Variants in RAPSN observed in about 807,000 individuals in gnomAD.
The protein encoded by RAPSN is receptor associated protein of the synapse, also known as 43 kDa receptor-associated protein of the synapse.
RAPSN carries 33 observed loss-of-function variants against 45.7 expected under a neutral mutation model. That is an observed-to-expected ratio of 0.72 (90% confidence interval 0.55 to 0.97). The LOEUF (loss-of-function observed/expected upper bound fraction) is 0.97. Among genes scored for constraint, RAPSN ranks in the 50% least tolerant of loss-of-function variants. RAPSN has a pLI of 0.00. For missense variants in RAPSN, 519 were observed against 559.4 expected (o/e 0.93, Z 0.73); for synonymous variants, 244 against 233.6 (o/e 1.04, Z -0.40).
rs779881502 is a variant in RAPSN, at chr11:47,442,778, C to A, written c.568G>T (p.Ala190Ser). 15 of 1,614,260 alleles carry A rather than the reference C, an allele frequency of 9.3e-6. No individual in the cohort carries two copies. The highest frequency in any genetic ancestry group is 1.6e-4 in the Middle Eastern group (1 of 6,062). Reference sequence around the variant, plus strand: ...TTGCCATAGTTGTTGACAAGCTCTGCCGCCTTGCAGGGGAAGAACAGGGCT... The same window carrying A: ...TTGCCATAGTTGTTGACAAGCTCTGACGCCTTGCAGGGGAAGAACAGGGCT... Reference protein sequence around the residue: ...EKALFFPCKAAELVNNYGKGW... With the variant: ...EKALFFPCKASELVNNYGKGW... Residue 190 changes from alanine to serine, a missense_variant, in exon 3 of 8, where the codon GCA becomes TCA. Physicochemically the swap from Ala to Ser is moderately conservative, Grantham distance 99. Transcript: ENST00000298854.
intron 2 of RAPSN, 104 bp from the exon 3 acceptor site, chr11:47,442,918 GCC>G: frequency 1.3e-5 from 20 of 1,565,316 alleles, no homozygotes; most frequent in Non-Finnish European, 1.6e-5. Flanking sequence ...GGGGCAGGGG[GCC>G]CGAGTGTCTG....
At chr11:47,447,680 T>C in intron 2 of RAPSN, 132 bp downstream of exon 2, 1 of 1,097,572 alleles carries the variant, frequency 9.1e-7, no homozygotes, top group East Asian at 2.6e-5. Flanking sequence ...TAAGCCTTTT[T>C]GCTCTCTGAT....
Position 47,438,465 on chromosome 11 carries a change from G to C in RAPSN, c.1166+267C>G, listed in dbSNP as rs950147181. On this transcript the variant is annotated intron_variant, in intron 7 of 7. Transcript: ENST00000298854. ...AGCCTCCCGAGTAGTTGGGATTACA[G>C]GCTCCCACCACCATGCCTGGGTAAT... 17 of 574,478 alleles carry C rather than the reference G, an allele frequency of 3.0e-5. No individual in the cohort carries two copies. The African/African-American group carries it at 3.0e-4, about 10-fold the overall frequency. The allele number at this position is 574,478 out of a possible 1,614,324, so 35.6% of individuals were successfully genotyped here.
intron 7 of RAPSN, 142 bp from the exon 8 acceptor site, chr11:47,438,189 C>T: frequency 9.8e-7 from 1 of 1,015,552 alleles, no homozygotes; most frequent in South Asian, 1.4e-5. Context: ...AGGGAACGGT[C>T]CCCCCAGGCT....
intron 3 of RAPSN, among the ~76,000 whole-genome samples, chr11:47,442,204 C>A (rs1694726160): frequency 6.6e-6 from 1 of 152,162 alleles, no homozygotes; most frequent in Non-Finnish European, 1.5e-5. Flanking sequence ...AGAAACTGGC[C>A]CTCTTCCGTC....
intron 6 of RAPSN, among the ~76,000 whole-genome samples, chr11:47,440,224 C>T: frequency 6.6e-6 from 1 of 152,122 alleles, no homozygotes; most frequent in East Asian, 1.9e-4. Context: ...GGACTGGACC[C>T]AGTACCCATA....
chr11:47,441,984 T>C, intron 3 of RAPSN, 63 bp from the exon 4 acceptor site: 1 of 1,475,294 alleles, frequency 6.8e-7, no homozygotes, highest in Non-Finnish European at 9.2e-7. Context: ...TGCCCTCCCC[T>C]CAACAGACCC....
intron 3 of RAPSN, 81 bp from the exon 4 acceptor site, chr11:47,442,002 G>A: frequency 7.1e-7 from 1 of 1,399,680 alleles, no homozygotes; most frequent in South Asian, 1.2e-5. Flanking sequence ...CCCCTCTGAA[G>A]GGACAGCCCA....
At chr11:47,442,425 C>T (rs1222287622) in intron 3 of RAPSN, among the ~76,000 whole-genome samples, 1 of 152,172 alleles carries the variant, frequency 6.6e-6, no homozygotes, top group Non-Finnish European at 1.5e-5. Flanking sequence ...TTTGGGAGGC[C>T]AAGACACGAG....
intron 6 of RAPSN, 43 bp from the exon 7 acceptor site, chr11:47,438,974 C>T (rs1565682297): frequency 2.6e-6 from 4 of 1,541,346 alleles, no homozygotes; most frequent in Non-Finnish European, 3.5e-6. Context: ...GGGATGAGAA[C>T]AAAGTCAGTG....
chr11:47,441,467 G>T, intron 5 of RAPSN, 144 bp downstream of exon 5: 1 of 1,454,296 alleles, frequency 6.9e-7, no homozygotes, highest in Non-Finnish European at 9.3e-7. Flanking sequence ...CTCTGAGCCT[G>T]GAAAATGACC....
intron 1 of RAPSN, 80 bp from the exon 2 acceptor site, chr11:47,448,230 C>T: frequency 6.9e-7 from 1 of 1,444,480 alleles, no homozygotes; most frequent in Non-Finnish European, 9.6e-7. Context: ...CAGGCTCAGA[C>T]CTGGAGGCCC....
chr11:47,448,725 T>A (rs756650644), intron 1 of RAPSN, 48 bp downstream of exon 1: 97 of 1,597,912 alleles, frequency 6.1e-5, no homozygotes, highest in Non-Finnish European at 7.8e-5. Context: ...CTGGGAGACA[T>A]CCGGCCCCAG....
rs1417150901 is a variant in RAPSN, at chr11:47,447,674, C to G, written c.531+138G>C. ...CCAAGTTGTTACCTTCCTGGATAAG[C>G]CTTTTTGCTCTCTGATTCTCACTCT... On this transcript the variant is annotated intron_variant, in intron 2 of 7. Transcript: ENST00000298854. 8 of 1,048,216 alleles carry G rather than the reference C, an allele frequency of 7.6e-6. No homozygotes were observed. The East Asian group carries it at 7.9e-5, about 10-fold the overall frequency. 64.9% of individuals were successfully genotyped at this position (1,048,216 alleles called of 1,614,324 possible).
At chr11:47,442,570 G>T in intron 3 of RAPSN, 86 bp downstream of exon 3, 2 of 1,487,280 alleles carry the variant, frequency 1.3e-6, no homozygotes, top group South Asian at 1.2e-5. Flanking sequence ...GGGCTGATTT[G>T]GAAGAAGGAA....
At chr11:47,443,960 G>A (rs796256735) in intron 2 of RAPSN, among the ~76,000 whole-genome samples, 3,755 of 60,834 alleles carry the variant, frequency 0.062, no homozygotes, top group Middle Eastern at 0.096. Flanking sequence ...AAAAAAAAAA[G>A]AAAAGAAAAG....
chr11:47,441,644 G>T lies in RAPSN; in HGVS notation c.879C>A (p.Ala293=). The change falls in exon 5 of 8, where the codon GCC becomes GCA. Residue 293 remains alanine, a synonymous_variant. Coordinates refer to ENST00000298854, the MANE Select transcript of RAPSN (RefSeq NM_005055.5). ...GCGCCTTCCTGGCCACCCAGCACTT[G>T]GCCACACCCAGCAGCGCCTGCACCT... ...LGQVQALLGV[A]KCWVARKALD... The T allele has an allele frequency of 6.2e-7, 1 of 1,608,960 alleles. No individual in the cohort carries two copies.
chr11:47,442,410 A>G (rs918653122), intron 3 of RAPSN, among the ~76,000 whole-genome samples: 3 of 152,272 alleles, frequency 2.0e-5, no homozygotes, highest in African/African-American at 7.2e-5. Flanking sequence ...CTGGAATCCC[A>G]GCACTTTGGG....
rs2076424116 is a variant in RAPSN at position 47,448,063 on chromosome 11, CGTT to C, written c.277_279del (p.Asn93del). The C allele has an allele frequency of 1.2e-6, 2 of 1,614,020 alleles. No individual in the cohort carries two copies. The highest frequency in any genetic ancestry group is 1.7e-6 in the Non-Finnish European group (2 of 1,179,998). On this transcript the variant is annotated inframe_deletion, in exon 2 of 8. Coordinates refer to ENST00000298854, the MANE Select transcript of RAPSN (RefSeq NM_005055.5). ...GTCTTGTGAAACTCGCACAGCTTCT[CGTT>C]GCTGCGTGCCAGGTTCAGGTAGCTC...
Sources: gnomAD v4.1 joint callset for allele counts (sites outside exome capture counted in the v4.1 genomes callset) on GRCh38, gnomAD v4.1.1 for gene constraint, MANE v1.5 for transcripts, NCBI Gene and HGNC (gene_info 2026-07-23, HGNC 2026-07-21) for gene names.